The following GRID2 variants were observed in gnomAD, a reference collection of about 807,000 sequenced individuals.
GRID2 encodes glutamate ionotropic receptor delta type subunit 2.
GRID2 carries 33 observed loss-of-function variants against 114.8 expected under a neutral mutation model. That is an observed-to-expected ratio of 0.29 (90% CI 0.22 to 0.38). GRID2 has a LOEUF of 0.38. GRID2 is among the 10% of genes least tolerant of loss of function. GRID2 has a pLI of 1.00. For synonymous variants in GRID2, 505 were observed against 449.9 expected, an observed-to-expected ratio of 1.12 and a Z score of -1.55; for missense variants, 1,184 against 1,257.7, an observed-to-expected ratio of 0.94 and a Z score of 0.89.
chr4:93,038,056 C>A (rs1409967985), intron 2 of GRID2, among the ~76,000 whole-genome samples: 1 of 152,058 alleles, frequency 6.6e-6, no homozygotes, highest in African/African-American at 2.4e-5. Flanking sequence ...GGCAGTATGG[C>A]CATTTTCACA....
At chr4:93,154,456 G>A (rs1736992113) in intron 4 of GRID2, among the ~76,000 whole-genome samples, 1 of 151,908 alleles carries the variant, frequency 6.6e-6, no homozygotes, top group Non-Finnish European at 1.5e-5. Context: ...ATTTGTTGGT[G>A]CTGTCACACT....
At chr4:93,458,472 G>C (rs1723414538) in intron 11 of GRID2, among the ~76,000 whole-genome samples, 2 of 151,948 alleles carry the variant, frequency 1.3e-5, no homozygotes, top group Non-Finnish European at 2.9e-5. Context: ...ACTTTGCATG[G>C]GATAGTTTGA....
chr4:93,357,748 T>C (rs1009976729), intron 8 of GRID2, among the ~76,000 whole-genome samples: 1 of 151,680 alleles, frequency 6.6e-6, no homozygotes, highest in African/African-American at 2.4e-5. Flanking sequence ...TTGATGTAGG[T>C]GTGAAATAGG....
intron 2 of GRID2, among the ~76,000 whole-genome samples, chr4:92,861,826 A>G (rs1578332617): frequency 6.6e-6 from 1 of 152,074 alleles, no homozygotes; most frequent in South Asian, 2.1e-4. Flanking sequence ...TTACCTTCCC[A>G]CCTCATTGAA....
In GRID2 at chr4:93,269,824, G is replaced by A. The variant is rs573959766; in HGVS notation, c.1245+31334G>A. 4.6e-5 allele frequency among the ~76,000 whole-genome samples: 7 copies of A among 152,270 alleles called. No individual in the cohort carries two copies. In the South Asian group the frequency reaches 6.2e-4, roughly 14 times the overall value. On this transcript the variant is annotated intron_variant, in intron 8 of 15. Transcript: ENST00000282020. ...TTCCTGGACACTAGGCAATGGAAAAGAGCATCACATCCTAGGATGCCTTTT... is the reference window on the plus strand; with the variant it reads ...TTCCTGGACACTAGGCAATGGAAAAAAGCATCACATCCTAGGATGCCTTTT...
intron 4 of GRID2, among the ~76,000 whole-genome samples, chr4:93,142,732 A>G (rs558047925): frequency 6.6e-6 from 1 of 152,358 alleles, no homozygotes; most frequent in East Asian, 1.9e-4. Flanking sequence ...AGAATAAAGA[A>G]ACAGACTGAA....
intron 3 of GRID2, among the ~76,000 whole-genome samples, chr4:93,096,527 A>G (rs1578976313): frequency 6.6e-6 from 1 of 152,194 alleles, no homozygotes; most frequent in East Asian, 1.9e-4. Context: ...GAAACCAAAA[A>G]CAATTTTAAA....
intron 15 of GRID2, among the ~76,000 whole-genome samples, chr4:93,770,691 A>G (rs974795418): frequency 6.6e-6 from 1 of 152,204 alleles, no homozygotes; most frequent in Non-Finnish European, 1.5e-5. Flanking sequence ...GTTGACATTG[A>G]TTCAATGCAA....
At chr4:92,553,421 C>G (rs1226908586) in intron 1 of GRID2, among the ~76,000 whole-genome samples, 2 of 152,060 alleles carry the variant, frequency 1.3e-5, no homozygotes, top group Non-Finnish European at 2.9e-5. Flanking sequence ...TTGGGTAAGT[C>G]TCTACCTTGT....
intron 1 of GRID2, among the ~76,000 whole-genome samples, chr4:92,443,118 AGAAG>A (rs1237898550): frequency 1.3e-5 from 2 of 152,104 alleles, no homozygotes; most frequent in African/African-American, 2.4e-5. Context: ...CAGGAGGGAA[AGAAG>A]GAAGATTTGG....
Position 93,442,625 on chromosome 4 carries a change from CAG to C in GRID2, c.1546-13023_1546-13022del, listed in dbSNP as rs150091643. On this transcript the variant is annotated intron_variant, in intron 10 of 15. Transcript: ENST00000282020. ...AGAGACAGAACGACAGAGACAGAGA[CAG>C]AGAGAGAGAGAGAAGAGATCAACAC... Among the ~76,000 whole-genome samples, 731 of 149,488 alleles carry C rather than the reference CAG, an allele frequency of 4.9e-3. 4 individuals are homozygous for C. Among genetic ancestry groups the C allele is most frequent in the African/African-American group, 0.017 (680 of 40,942 alleles).
At chr4:92,601,215 C>T (rs1231313776) in intron 2 of GRID2, among the ~76,000 whole-genome samples, 2 of 152,188 alleles carry the variant, frequency 1.3e-5, no homozygotes, top group Non-Finnish European at 2.9e-5. Context: ...TCTCCACCCA[C>T]AAATAACAGG....
At chr4:93,189,422 C>G (rs1372700845) in intron 4 of GRID2, among the ~76,000 whole-genome samples, 1 of 152,088 alleles carries the variant, frequency 6.6e-6, no homozygotes, top group Non-Finnish European at 1.5e-5. Flanking sequence ...ACTAATCCTA[C>G]TCATGACGGT....
chr4:93,071,947 A>T lies in GRID2; in HGVS notation c.245-13048A>T, dbSNP rs1560848234. Among the ~76,000 whole-genome samples the T allele has an allele frequency of 2.0e-5, 3 of 152,206 alleles. No individual in the cohort carries two copies. The South Asian group carries it at 6.2e-4, about 31-fold the overall frequency. ...TACTACTTGAAGTCTGTTTAAATGT[A>T]ATTAAAAACAGTGACTGAGTTTATA... is the stretch of plus-strand genomic sequence containing the variant. On this transcript the variant is annotated intron_variant, in intron 2 of 15. Coordinates refer to ENST00000282020, the MANE Select transcript of GRID2 (RefSeq NM_001510.4).
At chr4:92,383,497 T>A (rs1308103163) in intron 1 of GRID2, among the ~76,000 whole-genome samples, 1 of 152,006 alleles carries the variant, frequency 6.6e-6, no homozygotes, top group African/African-American at 2.4e-5. Flanking sequence ...TACAGCCTTT[T>A]GTCTTCCATG....
chr4:93,156,886 A>G (rs1041618584), intron 4 of GRID2, among the ~76,000 whole-genome samples: 1 of 151,674 alleles, frequency 6.6e-6, no homozygotes, highest in Non-Finnish European at 1.5e-5. Context: ...GTGAAAAGTC[A>G]GTCACTCTTG....
intron 2 of GRID2, among the ~76,000 whole-genome samples, chr4:92,627,040 T>G (rs1730556987): frequency 6.6e-6 from 1 of 152,050 alleles, no homozygotes; most frequent in Admixed American, 6.6e-5. Context: ...GTTAGCAGAA[T>G]AAGCACAGCT....
At chr4:93,756,225 G>T (rs986860394) in intron 14 of GRID2, among the ~76,000 whole-genome samples, 3 of 152,160 alleles carry the variant, frequency 2.0e-5, no homozygotes, top group Admixed American at 1.3e-4. Context: ...GATTCAGAGG[G>T]AGAAGGAGGA....
chr4:93,499,935 A>G (rs1727934886), intron 12 of GRID2, among the ~76,000 whole-genome samples: 1 of 151,994 alleles, frequency 6.6e-6, no homozygotes, highest in Non-Finnish European at 1.5e-5. Flanking sequence ...ACTTTTTACC[A>G]GGGGAACATA....
Sources: allele counts gnomAD v4.1 joint callset (sites outside exome capture counted in the v4.1 genomes callset), GRCh38; gene constraint gnomAD v4.1.1; transcripts MANE v1.5; gene names NCBI Gene and HGNC (gene_info 2026-07-23, HGNC 2026-07-21).